Variants in CD226 observed in about 807,000 individuals in gnomAD.
CD226 encodes the protein CD226 antigen.
In CD226, 24 loss-of-function variants were observed where a neutral mutation model predicts 34.9. The observed-to-expected ratio is 0.69, with a 90% CI of 0.50 to 0.97. CD226 has a LOEUF of 0.97. CD226 is among the 50% of genes least tolerant of loss of function. CD226 has a pLI of 0.00. For synonymous variants in CD226, 148 were observed against 147.4 expected (o/e 1.00, Z -0.03); for missense variants, 397 against 412.7 (o/e 0.96, Z 0.33).
At chr18:69,955,690 C>T (rs1016570949) in intron 1 of CD226, among the ~76,000 whole-genome samples, 2 of 151,956 alleles carry the variant, frequency 1.3e-5, no homozygotes, top group Admixed American at 6.6e-5. Flanking sequence ...GGTGAAACCA[C>T]GTCTCTGCTA....
intron 2 of CD226, among the ~76,000 whole-genome samples, chr18:69,927,182 G>A (rs938975108): frequency 2.0e-5 from 3 of 152,162 alleles, no homozygotes; most frequent in African/African-American, 7.2e-5. Context: ...TCCACCATAT[G>A]AGGACGCAGC....
chr18:69,880,728 T>G (rs1383231985), intron 3 of CD226, among the ~76,000 whole-genome samples: 1 of 149,976 alleles, frequency 6.7e-6, no homozygotes, highest in Non-Finnish European at 1.5e-5. Flanking sequence ...CTCGGCTCAC[T>G]GCAACCTCCG....
intron 2 of CD226, among the ~76,000 whole-genome samples, chr18:69,901,792 T>C (rs1468789764): frequency 2.0e-5 from 3 of 150,534 alleles, no homozygotes; most frequent in South Asian, 2.1e-4. Context: ...GGCAGAAGAA[T>C]GGCGTGAACC....
intron 2 of CD226, among the ~76,000 whole-genome samples, chr18:69,904,587 A>G (rs968663512): frequency 6.6e-6 from 1 of 152,234 alleles, no homozygotes; most frequent in African/African-American, 2.4e-5. Context: ...CCATGGTACA[A>G]TGAGAATGAT....
chr18:69,922,326 G>C (rs2055461944), intron 2 of CD226, among the ~76,000 whole-genome samples: 1 of 152,184 alleles, frequency 6.6e-6, no homozygotes, highest in African/African-American at 2.4e-5. Context: ...CTGGCACCCA[G>C]CCTGGAGTCC....
At chr18:69,903,763 G>A (rs994637254) in intron 2 of CD226, among the ~76,000 whole-genome samples, 8 of 152,128 alleles carry the variant, frequency 5.3e-5, no homozygotes, top group Non-Finnish European at 1.2e-4. Flanking sequence ...GAAGCTAGGT[G>A]AGACCTCTCC....
chr18:69,891,201 C>T (rs1346157450), intron 3 of CD226, among the ~76,000 whole-genome samples: 1 of 151,650 alleles, frequency 6.6e-6, no homozygotes, highest in African/African-American at 2.4e-5. Flanking sequence ...TGTAATACAC[C>T]ACATTAACAA....
At position 69,955,986 on chromosome 18, in the gene CD226, G is replaced by A. The variant is rs151205466; in HGVS notation, c.-28+769C>T. Among the ~76,000 whole-genome samples the A allele has an allele frequency of 3.0e-3, 461 of 151,682 alleles. 3 individuals carry two copies. The highest frequency in any genetic ancestry group is 0.011 in the African/African-American group (446 of 41,396). ...GGCCACATGGTCTCCTCTAGACCACGATACCCTTAGAACCTTGGCAAGTCA... is the reference window on the plus strand; with the variant it reads ...GGCCACATGGTCTCCTCTAGACCACAATACCCTTAGAACCTTGGCAAGTCA... On this transcript the variant is annotated intron_variant, in intron 1 of 6. Coordinates refer to the CD226 transcript ENST00000280200.
At chr18:69,915,056 G>A (rs575767260) in intron 2 of CD226, among the ~76,000 whole-genome samples, 4 of 152,132 alleles carry the variant, frequency 2.6e-5, no homozygotes, top group South Asian at 2.1e-4. Flanking sequence ...CATAGTTCAC[G>A]GTGATTCTAA....
chr18:69,859,153 A>G lies in CD226; in HGVS notation c.*5161T>C, dbSNP rs1982702467. ...TGTTTTAGAGTGGATTCTAGGTTTC[A>G]TGTATTCCTCCCCCTTTTTCTGGAT... is the stretch of plus-strand genomic sequence containing the variant. On this transcript the variant is annotated 3_prime_UTR_variant, in exon 6 of 6. Transcript: ENST00000582621. 1 of 152,138 alleles carries G rather than the reference A, an allele frequency of 6.6e-6. No individual in the cohort carries two copies. 9.4% of individuals were successfully genotyped at this position (152,138 alleles called of 1,614,324 possible).
At chr18:69,946,315 G>T (rs928170451) in intron 2 of CD226, among the ~76,000 whole-genome samples, 1 of 151,894 alleles carries the variant, frequency 6.6e-6, no homozygotes, top group Non-Finnish European at 1.5e-5. Flanking sequence ...CTTAGATTTG[G>T]TACTGTAGGA....
intron 2 of CD226, among the ~76,000 whole-genome samples, chr18:69,906,076 T>A (rs2055249342): frequency 6.6e-6 from 1 of 152,224 alleles, no homozygotes; most frequent in Admixed American, 6.5e-5. Context: ...TTCATTACAT[T>A]TCTTTGGTAT....
At chr18:69,957,350 CT>C (rs11373057), upstream of CD226, among the ~76,000 whole-genome samples, 9 of 149,460 alleles carry the variant, frequency 6.0e-5, no homozygotes, top group African/African-American at 2.2e-4. Flanking sequence ...TCTAGATACT[CT>C]TTTTTTTTTC....
upstream of CD226, among the ~76,000 whole-genome samples, chr18:69,957,881 G>A (rs969432270): frequency 6.6e-6 from 1 of 152,152 alleles, no homozygotes; most frequent in African/African-American, 2.4e-5. Flanking sequence ...ATGTCTTACT[G>A]ACTTGCAAGG....
intron 3 of CD226, 131 bp from the exon 4 acceptor site, chr18:69,873,377 A>G: frequency 1.8e-6 from 1 of 559,962 alleles, no homozygotes. Context: ...AAAAAAATAG[A>G]ATGAGTTACA....
upstream of CD226, among the ~76,000 whole-genome samples, chr18:69,958,788 A>ACACACAC (rs2055915342): frequency 1.4e-5 from 2 of 143,706 alleles, no homozygotes; most frequent in African/African-American, 2.6e-5. Flanking sequence ...TTCACAGGCA[A>ACACACAC]ACACACACAC....
chr18:69,924,459 A>G (rs2055494564), intron 2 of CD226, among the ~76,000 whole-genome samples: 1 of 152,072 alleles, frequency 6.6e-6, no homozygotes, highest in African/African-American at 2.4e-5. Flanking sequence ...CATAATTACA[A>G]ATGAAAACTA....
chr18:69,919,549 G>A (rs2055426151), intron 2 of CD226, among the ~76,000 whole-genome samples: 1 of 152,184 alleles, frequency 6.6e-6, no homozygotes, highest in African/African-American at 2.4e-5. Flanking sequence ...CTTTCTGAAA[G>A]AACTGAAGGC....
intron 2 of CD226, among the ~76,000 whole-genome samples, chr18:69,936,945 T>C (rs1048441835): frequency 3.9e-5 from 6 of 152,204 alleles, no homozygotes; most frequent in African/African-American, 1.2e-4. Flanking sequence ...TGACAGGCAA[T>C]AGCCTTTCAG....
Sources: gnomAD v4.1 joint callset for allele counts (sites outside exome capture counted in the v4.1 genomes callset) on GRCh38, gnomAD v4.1.1 for gene constraint, MANE v1.5 for transcripts, NCBI Gene and HGNC (gene_info 2026-07-23, HGNC 2026-07-21) for gene names.